Variants in MAML1 observed in about 807,000 individuals in gnomAD.
MAML1 encodes mastermind like transcriptional coactivator 1, also known as mastermind-like protein 1.
Under a neutral mutation model 77.1 loss-of-function variants are expected in MAML1, and 14 were observed. The ratio of observed to expected loss-of-function variants is 0.18; its 90% confidence interval spans 0.12 to 0.28. MAML1 has a LOEUF of 0.28. MAML1 is among the 10% of genes least tolerant of loss of function. The pLI is 1.00. For missense variants in MAML1, 1,217 were observed against 1,327.8 expected, an observed-to-expected ratio of 0.92 and a Z score of 1.30; for synonymous variants, 516 against 551.9, an observed-to-expected ratio of 0.93 and a Z score of 0.91.
chr5:179,740,364 G>A (rs145982159), intron 1 of MAML1, among the ~76,000 whole-genome samples: 2,081 of 152,180 alleles, frequency 0.014, 41 homozygotes, highest in African/African-American at 0.044. Context: ...TCCGCCTCCC[G>A]GGTTCACGCC....
Position 179,775,943 on chromosome 5 carries a change from C to G in MAML1, c.*1066C>G. ...TGGGGAAGGAGGCCGTAGGCCGGCC[C>G]GGAGGAAGCAATTCCACTTGGTTTG... On this transcript the variant is annotated 3_prime_UTR_variant, in exon 5 of 5. Coordinates refer to ENST00000292599, the MANE Select transcript of MAML1 (RefSeq NM_014757.5). 7 of 985,700 alleles carry G rather than the reference C, an allele frequency of 7.1e-6. No individual in the cohort carries two copies. Among genetic ancestry groups the G allele is most frequent in the Non-Finnish European group, 8.4e-6 (7 of 829,930 alleles). The allele number at this position is 985,700 out of a possible 1,614,324, so 61.1% of individuals were successfully genotyped here. A position where few individuals can be genotyped will look rare whatever the true frequency, so the allele number is the denominator to read the frequency against.
At chr5:179,754,299 G>A (rs1485868439) in intron 1 of MAML1, among the ~76,000 whole-genome samples, 1 of 152,078 alleles carries the variant, frequency 6.6e-6, no homozygotes, top group Non-Finnish European at 1.5e-5. Flanking sequence ...AGAAATAAAT[G>A]AATATGAAAT....
chr5:179,752,989 T>C (rs1581933500), intron 1 of MAML1, among the ~76,000 whole-genome samples: 2 of 152,158 alleles, frequency 1.3e-5, no homozygotes, highest in African/African-American at 4.8e-5. Context: ...GCCAGGCTGG[T>C]CTTGAACTCC....
chr5:179,775,159 C>A lies in MAML1; in HGVS notation c.*282C>A. 8.7e-7 allele frequency: 1 copy of A among 1,144,004 alleles called. No homozygotes were observed. Among genetic ancestry groups the A allele is most frequent in the Non-Finnish European group, 1.1e-6 (1 of 930,538 alleles). 70.9% of individuals were successfully genotyped at this position (1,144,004 alleles called of 1,614,324 possible). On this transcript the variant is annotated 3_prime_UTR_variant, in exon 5 of 5. Transcript: ENST00000292599. The stretch of plus-strand genomic sequence containing the variant: ...AAAGGTGGTTTTCTATCCAAACGAC[C>A]AAAAAACCAACAGTAACACCAGTGA...
chr5:179,750,701 A>G (rs7444006), intron 1 of MAML1, among the ~76,000 whole-genome samples: 3,680 of 152,164 alleles, frequency 0.024, 78 homozygotes, highest in Non-Finnish European at 0.037. Flanking sequence ...GTGCAAAGCA[A>G]TCCGCTTGCC....
Position 179,766,445 on chromosome 5 carries a change from G to C in MAML1, c.1435G>C (p.Gly479Arg). ...SVNKSSPRPG[G>R]PYLQPSHVNL... ...GAATAAGAGTTCCCCTCGGCCCGGAGGCCCCTACCTCCAGCCCAGCCATGT... is the reference window on the plus strand; with the variant it reads ...GAATAAGAGTTCCCCTCGGCCCGGACGCCCCTACCTCCAGCCCAGCCATGT... Residue 479 changes from glycine (G) to arginine (R), a missense_variant, in exon 2 of 5, where the codon GGC (glycine) becomes CGC (arginine). Coordinates refer to ENST00000292599, the MANE Select transcript of MAML1 (RefSeq NM_014757.5). The surrounding 1 kb of genome is among the most constrained non-coding windows in gnomAD (Gnocchi z 4.0). 1.9e-6 allele frequency: 3 copies of C among 1,612,816 alleles called. No homozygotes were observed. In the South Asian group the frequency reaches 3.3e-5, roughly 18 times the overall value.
intron 1 of MAML1, among the ~76,000 whole-genome samples, chr5:179,762,085 C>T (rs905176375): frequency 5.3e-5 from 8 of 152,134 alleles, no homozygotes; most frequent in African/African-American, 1.9e-4. Context: ...AAGAACCACG[C>T]GTGTCTTCAG....
Position 179,747,025 on chromosome 5 carries a change from A to C in MAML1, c.315+13598A>C, listed in dbSNP as rs896225277. On this transcript the variant is annotated intron_variant, in intron 1 of 4. Coordinates refer to ENST00000292599, the MANE Select transcript of MAML1 (RefSeq NM_014757.5). ...TTATTTTTATTTTTGGTAGAGACGAAGTCTTGCTCTGTCTCCCAACCTGGA... is the reference window on the plus strand; with the variant it reads ...TTATTTTTATTTTTGGTAGAGACGACGTCTTGCTCTGTCTCCCAACCTGGA... Among the ~76,000 whole-genome samples, 17 of 152,260 alleles carry C rather than the reference A, an allele frequency of 1.1e-4. No individual in the cohort carries two copies. In the South Asian group the frequency reaches 2.1e-3, roughly 19 times the overall value.
At chr5:179,741,400 C>A (rs958011544) in intron 1 of MAML1, among the ~76,000 whole-genome samples, 1 of 152,052 alleles carries the variant, frequency 6.6e-6, no homozygotes, top group African/African-American at 2.4e-5. Context: ...AGAATTGACT[C>A]TTGGCCAGGC....
chr5:179,768,997 C>T lies in MAML1; in HGVS notation c.1879C>T (p.Leu627Phe), dbSNP rs1581946473. ...QAAVMKQHQL[L>F]LDQQKQREQQ... The stretch of plus-strand genomic sequence containing the variant: ...CGCTGTAATGAAGCAGCATCAGTTG[C>T]TTTTGGACCAACAGAAACAAAGGGA... The change falls in exon 3 of 5, where the codon CTT becomes TTT. Residue 627 changes from leucine (L) to phenylalanine (F), a missense_variant. Around this residue, in one of 3 missense-constraint regions of MAML1, gnomAD observed 884 missense variants for 949.3 expected, o/e 0.93. Coordinates refer to ENST00000292599, the MANE Select transcript of MAML1 (RefSeq NM_014757.5). 3 of 1,614,072 alleles carry T rather than the reference C, an allele frequency of 1.9e-6. No individual in the cohort carries two copies. The highest frequency in any genetic ancestry group is 1.7e-5 in the Admixed American group (1 of 60,004).
At chr5:179,744,796 C>G (rs940861719) in intron 1 of MAML1, among the ~76,000 whole-genome samples, 2 of 152,216 alleles carry the variant, frequency 1.3e-5, no homozygotes, top group South Asian at 2.1e-4. Context: ...CAAGTTGATT[C>G]ATGCAGAATA....
rs559051432 is a variant in MAML1, at chr5:179,767,007, T to A, written c.1731+266T>A. ...AATCACCTGCATTTAGTCCACTGTC[T>A]CTTTCGTGCCGTAGGATTTAAATTA... On this transcript the variant is annotated intron_variant, in intron 2 of 4. Coordinates refer to ENST00000292599, the MANE Select transcript of MAML1 (RefSeq NM_014757.5). 4.5e-4 allele frequency among the ~76,000 whole-genome samples: 68 copies of A among 152,272 alleles called. 1 individual carries two copies. Among genetic ancestry groups the A allele is most frequent in the Non-Finnish European group, 6.5e-4 (44 of 68,024 alleles).
rs747892913 is a variant in MAML1 at position 179,733,289 on chromosome 5, G to C, written c.177G>C (p.Leu59=). The C allele has an allele frequency of 7.6e-6, 11 of 1,453,190 alleles. No individual in the cohort carries two copies. In the South Asian group the frequency reaches 1.0e-4, roughly 13 times the overall value. The allele number at this position is 1,453,190 out of a possible 1,614,324, so 90.0% of individuals were successfully genotyped here. Reference sequence around the variant, plus strand: ...TGGAGCGCCAACACACCTTCGCCCTGCACCAGCGCTGCATCCAGGCCAAGG... The same window carrying C: ...TGGAGCGCCAACACACCTTCGCCCTCCACCAGCGCTGCATCCAGGCCAAGG... ...LELERQHTFA[L]HQRCIQAKAK... is the part of the protein sequence containing the mutation. Residue 59 remains leucine, a synonymous_variant, in exon 1 of 5, where the codon CTG becomes CTC. Coordinates refer to ENST00000292599, the MANE Select transcript of MAML1 (RefSeq NM_014757.5).
chr5:179,762,079 AC>A (rs1462824811), intron 1 of MAML1, among the ~76,000 whole-genome samples: 1 of 152,122 alleles, frequency 6.6e-6, no homozygotes, highest in East Asian at 1.9e-4. Flanking sequence ...TCATGAAAGA[AC>A]CACGCGTGTC....
chr5:179,748,669 C>G (rs912861621), intron 1 of MAML1, among the ~76,000 whole-genome samples: 2 of 152,342 alleles, frequency 1.3e-5, no homozygotes. Flanking sequence ...CAGATTAAAA[C>G]TGTGTACTTG....
intron 1 of MAML1, among the ~76,000 whole-genome samples, chr5:179,753,571 A>T (rs1325139038): frequency 6.6e-6 from 1 of 151,850 alleles, no homozygotes. Context: ...AAGAAAGCGA[A>T]TGGCAAAGGA....
Position 179,766,948 on chromosome 5 carries a change from A to T in MAML1, c.1731+207A>T, listed in dbSNP as rs987995590. 4.6e-5 allele frequency among the ~76,000 whole-genome samples: 7 copies of T among 152,220 alleles called. No homozygotes were observed. Among genetic ancestry groups the T allele is most frequent in the African/African-American group, 1.4e-4 (6 of 41,458 alleles). ...AAAAAATAGGGTAAAGTTCCCTGGC[A>T]TAGCTTGATTATTAACTGCACGAAG... On this transcript the variant is annotated intron_variant, in intron 2 of 4. Coordinates refer to ENST00000292599, the MANE Select transcript of MAML1 (RefSeq NM_014757.5). This position sits in a 1 kb window ranked among gnomAD's most constrained non-coding sequence, Gnocchi z 4.0.
chr5:179,754,008 G>A (rs1779563075), intron 1 of MAML1, among the ~76,000 whole-genome samples: 1 of 151,936 alleles, frequency 6.6e-6, no homozygotes, highest in Non-Finnish European at 1.5e-5. Flanking sequence ...ATTGGGCTGG[G>A]CACAATGGCT....
intron 1 of MAML1, among the ~76,000 whole-genome samples, chr5:179,741,789 T>G (rs988653563): frequency 2.6e-5 from 4 of 152,148 alleles, no homozygotes; most frequent in African/African-American, 4.8e-5. Flanking sequence ...CATGGGCTGT[T>G]GAAAGTTACA....
Sources: gnomAD v4.1 joint callset for allele counts (sites outside exome capture counted in the v4.1 genomes callset) on GRCh38, gnomAD v4.1.1 for gene constraint, gnomAD v4.1.1 regional missense constraint, Gnocchi (gnomAD v3.1) non-coding constraint, MANE v1.5 for transcripts, NCBI Gene and HGNC (gene_info 2026-07-23, HGNC 2026-07-21) for gene names.